DCDC2: variants seen among roughly 807,000 people sequenced by gnomAD.
DCDC2 encodes the protein doublecortin domain containing 2.
In DCDC2, 40 loss-of-function variants were observed where a neutral mutation model predicts 50.2. The observed-to-expected ratio is 0.80, with a 90% CI of 0.62 to 1.04. The LOEUF is 1.04. DCDC2 is among the 50% of genes least tolerant of loss of function. The pLI is 0.00. For missense variants in DCDC2, 570 were observed against 581.9 expected (o/e 0.98, Z 0.21); for synonymous variants, 234 against 210.6 (o/e 1.11, Z -0.96).
the DCDC2 span, among the ~76,000 whole-genome samples, chr6:24,373,456 T>C: frequency 6.6e-6 from 1 of 152,176 alleles, no homozygotes; most frequent in African/African-American, 2.4e-5. Flanking sequence ...AAACACAATG[T>C]TGAACCAATT....
chr6:24,185,491 T>C lies in DCDC2; in HGVS notation c.1024-6859A>G, dbSNP rs143545350. Reference sequence around the variant, plus strand: ...CTGAGTCTGGAACAAAATTTATTATTACAACGACACTACAATTCAGGGCAA... The same window carrying C: ...CTGAGTCTGGAACAAAATTTATTATCACAACGACACTACAATTCAGGGCAA... On this transcript the variant is annotated intron_variant, in intron 8 of 9. Coordinates refer to ENST00000378454, the MANE Select transcript of DCDC2 (RefSeq NM_016356.5). 2.7e-3 allele frequency among the ~76,000 whole-genome samples: 417 copies of C among 152,248 alleles called. 3 individuals carry two copies. The highest frequency in any genetic ancestry group is 0.024 in the South Asian group (115 of 4,832).
intron 7 of DCDC2, among the ~76,000 whole-genome samples, chr6:24,210,027 T>C (rs1471735196): frequency 1.6e-5 from 2 of 126,964 alleles, no homozygotes; most frequent in Non-Finnish European, 3.5e-5. Context: ...AGGGTGTGTG[T>C]GTGTGTGTGT....
intron 8 of DCDC2, among the ~76,000 whole-genome samples, chr6:24,191,445 T>C (rs1761313448): frequency 6.6e-6 from 1 of 152,112 alleles, no homozygotes; most frequent in South Asian, 2.1e-4. Context: ...TGTAGACCAA[T>C]GGTCACAAGT....
At chr6:24,234,636 A>C (rs1301164391) in intron 7 of DCDC2, among the ~76,000 whole-genome samples, 2 of 152,190 alleles carry the variant, frequency 1.3e-5, no homozygotes, top group Admixed American at 6.5e-5. Context: ...CTTGATGAAA[A>C]ATTGTGAGTA....
chr6:24,350,596 GTAAGT>G (rs1760350741), intron 2 of DCDC2, among the ~76,000 whole-genome samples: 1 of 152,120 alleles, frequency 6.6e-6, no homozygotes, highest in South Asian at 2.1e-4. Context: ...ATTTTGGTGA[GTAAGT>G]TATTTTACTC....
chr6:24,317,822 T>C (rs1004900116), intron 2 of DCDC2, among the ~76,000 whole-genome samples: 4 of 151,416 alleles, frequency 2.6e-5, no homozygotes, highest in Non-Finnish European at 4.4e-5. Context: ...TATACTCTGA[T>C]AGAAAAAATG....
intron 7 of DCDC2, among the ~76,000 whole-genome samples, chr6:24,267,967 C>A (rs1008898505): frequency 6.6e-6 from 1 of 152,142 alleles, no homozygotes; most frequent in Non-Finnish European, 1.5e-5. Flanking sequence ...AAGCAGTATG[C>A]CTATTTGAGT....
intron 2 of DCDC2, among the ~76,000 whole-genome samples, chr6:24,338,954 G>A (rs111276906): frequency 0.023 from 3,484 of 152,080 alleles, 132 homozygotes; most frequent in African/African-American, 0.078. Context: ...GCTTTTGGTT[G>A]GTTTTAGGAA....
intron 2 of DCDC2, among the ~76,000 whole-genome samples, chr6:24,345,504 C>T (rs1481703774): frequency 1.3e-5 from 2 of 152,114 alleles, no homozygotes; most frequent in African/African-American, 4.8e-5. Flanking sequence ...TAAAATTCTC[C>T]ACCCCACTAA....
chr6:24,345,384 T>C (rs1351114665), intron 2 of DCDC2, among the ~76,000 whole-genome samples: 1 of 152,156 alleles, frequency 6.6e-6, no homozygotes, highest in Non-Finnish European at 1.5e-5. Flanking sequence ...TTAAGGACAT[T>C]CACCTGAGTA....
At chr6:24,208,927 A>C (rs1194860767) in intron 7 of DCDC2, among the ~76,000 whole-genome samples, 1 of 152,254 alleles carries the variant, frequency 6.6e-6, no homozygotes, top group East Asian at 1.9e-4. Context: ...TATTTGTAAT[A>C]CAATCTGTAT....
At chr6:24,316,804 G>C (rs1463013134) in intron 2 of DCDC2, among the ~76,000 whole-genome samples, 1 of 151,926 alleles carries the variant, frequency 6.6e-6, no homozygotes, top group Non-Finnish European at 1.5e-5. Flanking sequence ...AAATACAATT[G>C]TATTAAGTAA....
intron 6 of DCDC2, among the ~76,000 whole-genome samples, chr6:24,284,608 C>T (rs1258712383): frequency 1.5e-5 from 2 of 132,872 alleles, no homozygotes; most frequent in Admixed American, 7.4e-5. Flanking sequence ...GAGACTCTGT[C>T]TCAAAAAAAA....
chr6:24,297,486 T>G (rs1356301395), intron 4 of DCDC2, among the ~76,000 whole-genome samples: 1 of 152,132 alleles, frequency 6.6e-6, no homozygotes, highest in Non-Finnish European at 1.5e-5. Flanking sequence ...AAAAGAAGTT[T>G]CTCTAAGTAT....
intron 7 of DCDC2, among the ~76,000 whole-genome samples, chr6:24,219,932 C>T (rs62403464): frequency 0.17 from 26,575 of 152,096 alleles, 2,335 homozygotes; most frequent in African/African-American, 0.2. Flanking sequence ...AACTTGCTTC[C>T]GAGGAGGAAA....
At chr6:24,247,458 T>C (rs971165583) in intron 7 of DCDC2, among the ~76,000 whole-genome samples, 2 of 152,058 alleles carry the variant, frequency 1.3e-5, no homozygotes, top group African/African-American at 4.8e-5. Context: ...TGTAATTGTA[T>C]TGGGAGGGTA....
intron 7 of DCDC2, among the ~76,000 whole-genome samples, chr6:24,255,902 A>G (rs1201346946): frequency 1.3e-5 from 2 of 152,122 alleles, no homozygotes; most frequent in African/African-American, 2.4e-5. Flanking sequence ...CAGCAATTCA[A>G]CAGAAATACA....
At chr6:24,360,057 G>A (rs1174280064), upstream of DCDC2, among the ~76,000 whole-genome samples, 1 of 152,202 alleles carries the variant, frequency 6.6e-6, no homozygotes, top group Non-Finnish European at 1.5e-5. Flanking sequence ...TGAACTCTGC[G>A]GCGGCTGCGC....
At chr6:24,288,079 C>A (rs143901280) in intron 6 of DCDC2, among the ~76,000 whole-genome samples, 15 of 152,280 alleles carry the variant, frequency 9.9e-5, no homozygotes, top group African/African-American at 3.6e-4. Flanking sequence ...CATTAGGAGA[C>A]AATATCATTG....
Sources: allele counts gnomAD v4.1 joint callset (sites outside exome capture counted in the v4.1 genomes callset), GRCh38; gene constraint gnomAD v4.1.1; transcripts MANE v1.5; gene names NCBI Gene and HGNC (gene_info 2026-07-23, HGNC 2026-07-21).